The following REPS2 variants were observed in gnomAD, a reference collection of about 807,000 sequenced individuals.
The protein encoded by REPS2 is ralBP1-associated Eps domain-containing protein 2.
Under a neutral mutation model 53.6 loss-of-function variants are expected in REPS2, and 23 were observed. That is an observed-to-expected ratio of 0.43 (90% CI 0.31 to 0.61). The LOEUF is 0.61. Among genes scored for constraint, REPS2 ranks in the 20% least tolerant of loss-of-function variants. REPS2 has a pLI of 0.11. For synonymous variants in REPS2, 238 were observed against 218.6 expected (o/e 1.09, Z -0.78); for missense variants, 446 against 534.9 (o/e 0.83, Z 1.64).
At chrX:16,994,062 A>G (rs371346862) in intron 1 of REPS2, among the ~76,000 whole-genome samples, 95 of 112,289 alleles carry the variant, frequency 8.5e-4, no homozygotes, top group African/African-American at 2.9e-3. Context: ...CACCACCAAC[A>G]TTGCCTGCAT....
chrX:16,977,560 A>T (rs758638157), intron 1 of REPS2, among the ~76,000 whole-genome samples: 25 of 109,238 alleles, frequency 2.3e-4, no homozygotes, highest in African/African-American at 4.7e-4. Context: ...AAAAATTTTT[A>T]AAAAATCTAG....
chrX:16,963,220 A>T (rs2060688638), intron 1 of REPS2, among the ~76,000 whole-genome samples: 1 of 111,626 alleles, frequency 9.0e-6, no homozygotes, highest in African/African-American at 3.3e-5. Context: ...GGATTTCTTT[A>T]TACATTGCTC....
chrX:16,947,280 G>C, intron 1 of REPS2, 146 bp downstream of exon 1: 1 of 852,959 alleles, frequency 1.2e-6, no homozygotes, highest in Non-Finnish European at 1.5e-6. Context: ...CGGGGATGGC[G>C]GCGACGCCCT....
intron 13 of REPS2, among the ~76,000 whole-genome samples, chrX:17,083,651 C>T (rs2062491333): frequency 9.0e-6 from 1 of 111,699 alleles, no homozygotes; most frequent in Admixed American, 9.5e-5. Flanking sequence ...AAGAGATGTT[C>T]CTAATACCAA....
At chrX:16,950,210 G>C (rs936359959) in intron 1 of REPS2, among the ~76,000 whole-genome samples, 2 of 111,189 alleles carry the variant, frequency 1.8e-5, no homozygotes, top group African/African-American at 6.5e-5. Flanking sequence ...TTTATGGTTT[G>C]GTGGCTCATT....
chrX:17,001,358 C>G (rs1286431847), intron 1 of REPS2, among the ~76,000 whole-genome samples: 2 of 112,586 alleles, frequency 1.8e-5, no homozygotes, highest in Non-Finnish European at 3.8e-5. Flanking sequence ...GTGCCCCTCA[C>G]TGCTGTGTAC....
At chrX:17,096,476 G>A (rs977663652) in intron 13 of REPS2, among the ~76,000 whole-genome samples, 34 of 106,675 alleles carry the variant, frequency 3.2e-4, no homozygotes, top group African/African-American at 1.1e-3. Flanking sequence ...CGGCTAAAAC[G>A]GTGAAACCCC....
At chrX:16,963,886 A>G (rs201353475) in intron 1 of REPS2, among the ~76,000 whole-genome samples, 2 of 111,523 alleles carry the variant, frequency 1.8e-5, no homozygotes, top group East Asian at 5.6e-4. Context: ...TAGGTGAAAC[A>G]GTTCCTTGGG....
chrX:17,156,021 CTT>C (rs1352606675), downstream of REPS2, among the ~76,000 whole-genome samples: 3 of 111,949 alleles, frequency 2.7e-5, no homozygotes, highest in Non-Finnish European at 5.6e-5. Context: ...TTATTAAACA[CTT>C]TTGAAAAATT....
At chrX:16,976,198 T>TA (rs1278779794) in intron 1 of REPS2, among the ~76,000 whole-genome samples, 1 of 112,128 alleles carries the variant, frequency 8.9e-6, no homozygotes, top group Non-Finnish European at 1.9e-5. Context: ...AGAACTATGA[T>TA]AAAAATATTA....
At chrX:16,956,255 A>T (rs1363105193) in intron 1 of REPS2, among the ~76,000 whole-genome samples, 6 of 43,932 alleles carry the variant, frequency 1.4e-4, no homozygotes, top group South Asian at 1.1e-3. Flanking sequence ...ACTTCCTTCT[A>T]TTATGCATGT....
At chrX:17,057,957 G>A (rs371650311) in intron 8 of REPS2, among the ~76,000 whole-genome samples, 1 of 112,098 alleles carries the variant, frequency 8.9e-6, no homozygotes, top group African/African-American at 3.2e-5. Context: ...TACCTTCGCC[G>A]TGTCCTCTTT....
the REPS2 span, among the ~76,000 whole-genome samples, chrX:17,161,980 G>A: frequency 1.6e-3 from 177 of 111,939 alleles, no homozygotes; most frequent in African/African-American, 5.4e-3. Context: ...TAACTTGTCC[G>A]TTTCCCATCT....
rs769690975 is a variant in REPS2, at chrX:17,093,050, A to T, written c.1517-10668A>T. Among the ~76,000 whole-genome samples, 5 of 102,860 alleles carry T rather than the reference A, an allele frequency of 4.9e-5. No individual in the cohort carries two copies. The East Asian group carries it at 1.5e-3, about 30-fold the overall frequency. The allele number at this position is 102,860 out of a possible 115,157, so 89.3% of individuals were successfully genotyped here. On this transcript the variant is annotated intron_variant, in intron 13 of 17. Transcript: ENST00000357277. ...CAAAAAGATGAATTAGACAGAATTG[A>T]TAGAATGTAGCTAGATTAATATCTC...
intron 5 of REPS2, among the ~76,000 whole-genome samples, chrX:17,035,522 G>A (rs2061754553): frequency 9.0e-6 from 1 of 111,048 alleles, no homozygotes; most frequent in South Asian, 3.8e-4. Context: ...CACAGAGCAG[G>A]TCAGGCCCGC....
rs758333563 is a variant in REPS2 at position 16,973,274 on chromosome X, C to T, written c.273+26140C>T. Among the ~76,000 whole-genome samples, 3 of 111,770 alleles carry T rather than the reference C, an allele frequency of 2.7e-5. No individual in the cohort carries two copies. The East Asian group carries it at 8.4e-4, about 31-fold the overall frequency. ...GTTTAAATTGCTGTCTGCAGGGTTT[C>T]TCTACAGTAAAATTATTACTTTTTC... On this transcript the variant is annotated intron_variant, in intron 1 of 17. Transcript: ENST00000357277.
the REPS2 span, among the ~76,000 whole-genome samples, chrX:17,190,926 T>C: frequency 2.7e-5 from 3 of 111,638 alleles, no homozygotes; most frequent in Non-Finnish European, 5.6e-5. Flanking sequence ...TGCGAAAAGA[T>C]GAACCTTGAC....
chrX:17,110,882 T>C (rs1368041202), intron 14 of REPS2, among the ~76,000 whole-genome samples: 2 of 105,335 alleles, frequency 1.9e-5, no homozygotes, highest in South Asian at 4.3e-4. Context: ...GGCGTGATGG[T>C]ACGTGCCTGT....
intron 2 of REPS2, among the ~76,000 whole-genome samples, chrX:17,009,909 C>T (rs1453871112): frequency 9.0e-6 from 1 of 111,346 alleles, no homozygotes; most frequent in East Asian, 2.8e-4. Context: ...TAAACCCTTG[C>T]TCACTACCTG....
Sources: gnomAD v4.1 joint callset for allele counts (sites outside exome capture counted in the v4.1 genomes callset) on GRCh38, gnomAD v4.1.1 for gene constraint, MANE v1.5 for transcripts, NCBI Gene and HGNC (gene_info 2026-07-23, HGNC 2026-07-21) for gene names.